Variants in GALNTL6 observed in about 807,000 individuals in gnomAD.
GALNTL6 encodes the protein polypeptide N-acetylgalactosaminyltransferase like 6.
GALNTL6 carries 46 observed loss-of-function variants against 73.7 expected under a neutral mutation model. That is an observed-to-expected ratio of 0.62 (90% CI 0.49 to 0.80). GALNTL6 has a LOEUF of 0.80. GALNTL6 is among the 30% of genes least tolerant of loss of function. GALNTL6 has a pLI of 0.00. For missense variants in GALNTL6, 604 were observed against 755.0 expected, an observed-to-expected ratio of 0.80 and a Z score of 2.34; for synonymous variants, 259 against 263.7, an observed-to-expected ratio of 0.98 and a Z score of 0.17.
intron 9 of GALNTL6, among the ~76,000 whole-genome samples, chr4:172,947,293 T>C (rs1235596301): frequency 6.6e-6 from 1 of 151,648 alleles, no homozygotes; most frequent in African/African-American, 2.4e-5. Flanking sequence ...GACAGCAAGC[T>C]GGGGGCAAGA....
At chr4:172,355,194 A>C (rs1308095631) in intron 5 of GALNTL6, among the ~76,000 whole-genome samples, 1 of 152,108 alleles carries the variant, frequency 6.6e-6, no homozygotes, top group Non-Finnish European at 1.5e-5. Context: ...TGTCTTCTAA[A>C]GAAAGTAATA....
chr4:172,411,704 CTTGGCTT>C (rs1744443143), intron 5 of GALNTL6, among the ~76,000 whole-genome samples: 1 of 151,694 alleles, frequency 6.6e-6, no homozygotes, highest in Non-Finnish European at 1.5e-5. Context: ...GGGACAAAAT[CTTGGCTT>C]AGCTGCAACC....
At position 171,838,968 on chromosome 4, in the gene GALNTL6, A is replaced by G. The variant is rs865877949; in HGVS notation, c.138+24250A>G. On this transcript the variant is annotated intron_variant, in intron 2 of 12. Transcript: ENST00000506823. ...AAAACCTTCCTGTGTCTCAAGCACC[A>G]GTTTCCCGGTTTTATACTGAGTATT... Among the ~76,000 whole-genome samples the G allele has an allele frequency of 7.2e-5, 11 of 152,238 alleles. No homozygotes were observed. In the South Asian group the frequency reaches 1.9e-3, roughly 26 times the overall value.
intron 5 of GALNTL6, among the ~76,000 whole-genome samples, chr4:172,469,007 A>G (rs970965773): frequency 6.6e-6 from 1 of 152,186 alleles, no homozygotes; most frequent in Non-Finnish European, 1.5e-5. Flanking sequence ...AATCCTAAGA[A>G]TGGCAAGGAT....
At chr4:172,161,798 G>T (rs1025498222) in intron 2 of GALNTL6, among the ~76,000 whole-genome samples, 2 of 152,022 alleles carry the variant, frequency 1.3e-5, no homozygotes, top group Non-Finnish European at 2.9e-5. Context: ...AAGGATACCA[G>T]AATATGATCA....
intron 5 of GALNTL6, among the ~76,000 whole-genome samples, chr4:172,388,264 C>G (rs1743542107): frequency 6.6e-6 from 1 of 152,080 alleles, no homozygotes; most frequent in South Asian, 2.1e-4. Context: ...GAGCATCTGT[C>G]TGCTGTTGTT....
intron 7 of GALNTL6, among the ~76,000 whole-genome samples, chr4:172,844,169 C>G (rs1030457817): frequency 1.3e-5 from 2 of 152,096 alleles, no homozygotes; most frequent in Non-Finnish European, 2.9e-5. Flanking sequence ...TGGCTCATAC[C>G]GCGTACATTG....
At chr4:172,432,371 C>T (rs1341763394) in intron 5 of GALNTL6, among the ~76,000 whole-genome samples, 3 of 151,642 alleles carry the variant, frequency 2.0e-5, no homozygotes, top group Non-Finnish European at 4.4e-5. Context: ...ATTTTCTTAA[C>T]TATTTTGCAA....
chr4:172,636,966 A>G lies in GALNTL6; in HGVS notation c.554-172395A>G, dbSNP rs534631480. ...TATATGGGAAGAAATTGGTACAATG[A>G]GTCTAATTTTCTACAGATTTGTCAA... On this transcript the variant is annotated intron_variant, in intron 5 of 12. Coordinates refer to ENST00000506823, the MANE Select transcript of GALNTL6 (RefSeq NM_001034845.3). Among the ~76,000 whole-genome samples the G allele has an allele frequency of 2.6e-5, 4 of 152,142 alleles. No individual in the cohort carries two copies. The East Asian group carries it at 7.7e-4, about 29-fold the overall frequency.
At chr4:171,900,128 T>C (rs1737037177) in intron 2 of GALNTL6, among the ~76,000 whole-genome samples, 1 of 152,164 alleles carries the variant, frequency 6.6e-6, no homozygotes, top group Non-Finnish European at 1.5e-5. Flanking sequence ...TAAACAGATA[T>C]TTATATCATG....
At chr4:172,779,364 A>G (rs1370595035) in intron 5 of GALNTL6, among the ~76,000 whole-genome samples, 1 of 152,094 alleles carries the variant, frequency 6.6e-6, no homozygotes, top group Admixed American at 6.6e-5. Context: ...CAACTCTCCT[A>G]AATACCTGGC....
chr4:172,117,636 T>C (rs1733023429), intron 2 of GALNTL6, among the ~76,000 whole-genome samples: 1 of 152,172 alleles, frequency 6.6e-6, no homozygotes, highest in Admixed American at 6.5e-5. Flanking sequence ...TTCAAAAATT[T>C]TATTCTGAAA....
chr4:171,870,972 A>C (rs549530689), intron 2 of GALNTL6, among the ~76,000 whole-genome samples: 1 of 152,336 alleles, frequency 6.6e-6, no homozygotes, highest in South Asian at 2.1e-4. Flanking sequence ...CTGTTATAGA[A>C]GCTCTAATAA....
At chr4:171,885,897 C>T (rs1353033510) in intron 2 of GALNTL6, among the ~76,000 whole-genome samples, 1 of 152,064 alleles carries the variant, frequency 6.6e-6, no homozygotes, top group African/African-American at 2.4e-5. Context: ...TCTGAGAAGT[C>T]CTCAGTCAAT....
At chr4:171,972,362 CTT>C (rs1438070769) in intron 2 of GALNTL6, among the ~76,000 whole-genome samples, 1 of 151,940 alleles carries the variant, frequency 6.6e-6, no homozygotes, top group Non-Finnish European at 1.5e-5. Flanking sequence ...ATACTTCTAA[CTT>C]AGTATTGTCA....
At chr4:171,838,970 T>C (rs1735173964) in intron 2 of GALNTL6, among the ~76,000 whole-genome samples, 1 of 152,152 alleles carries the variant, frequency 6.6e-6, no homozygotes. Context: ...CAAGCACCAG[T>C]TTCCCGGTTT....
intron 3 of GALNTL6, among the ~76,000 whole-genome samples, chr4:172,255,455 C>T (rs115540616): frequency 6.6e-6 from 1 of 151,380 alleles, no homozygotes; most frequent in African/African-American, 2.4e-5. Context: ...GAAATCAGTG[C>T]CCCTGACTTG....
intron 5 of GALNTL6, among the ~76,000 whole-genome samples, chr4:172,599,041 C>T (rs183341456): frequency 3.3e-5 from 5 of 152,200 alleles, no homozygotes; most frequent in African/African-American, 1.2e-4. Flanking sequence ...AAAGGAGAGC[C>T]TGTCAGCTGC....
intron 10 of GALNTL6, among the ~76,000 whole-genome samples, chr4:173,006,459 C>T (rs1443465973): frequency 6.6e-6 from 1 of 152,174 alleles, no homozygotes; most frequent in Non-Finnish European, 1.5e-5. Context: ...CTCAAGACAG[C>T]AATAGCAAAA....
Sources: allele counts gnomAD v4.1 joint callset (sites outside exome capture counted in the v4.1 genomes callset), GRCh38; gene constraint gnomAD v4.1.1; transcripts MANE v1.5; gene names NCBI Gene and HGNC (gene_info 2026-07-23, HGNC 2026-07-21).